SLCO4A1: variants seen among roughly 807,000 people sequenced by gnomAD.
SLCO4A1 encodes colon organic anion transporter.
SLCO4A1 carries 51 observed loss-of-function variants against 64.6 expected under a neutral mutation model. That is an observed-to-expected ratio of 0.79 (90% CI 0.63 to 1.00). The LOEUF (loss-of-function observed/expected upper bound fraction) is 1.00. SLCO4A1 is among the 50% of genes least tolerant of loss of function. The pLI, the probability that SLCO4A1 is intolerant of heterozygous loss-of-function variation, is 0.00. For synonymous variants in SLCO4A1, 471 were observed against 444.9 expected (o/e 1.06, Z -0.74); for missense variants, 919 against 980.5 (o/e 0.94, Z 0.84).
chr20:62,668,957 G>C lies in SLCO4A1; in HGVS notation c.1904G>C (p.Gly635Ala), dbSNP rs1460060654. 6.2e-7 allele frequency: 1 copy of C among 1,607,522 alleles called. No homozygotes were observed. Among genetic ancestry groups the C allele is most frequent in the Admixed American group, 1.7e-5 (1 of 60,004 alleles). The change falls in exon 11 of 12, where the codon GGC becomes GCC. Residue 635 changes from glycine (G) to alanine (A), a missense_variant. Physicochemically the swap from Gly to Ala is moderately conservative, Grantham distance 60 (BLOSUM62 0). Transcript: ENST00000217159. ...GGCATCCCGGGGCCCATCGCCTTCG[G>C]CTGGGTGATCGACAAGGCCTGTCTG... Reference protein sequence around the residue: ...LGGIPGPIAFGWVIDKACLLW... With the variant: ...LGGIPGPIAFAWVIDKACLLW...
chr20:62,656,054 C>G (rs900408618), intron 1 of SLCO4A1, among the ~76,000 whole-genome samples: 7 of 152,384 alleles, frequency 4.6e-5, no homozygotes, highest in African/African-American at 1.4e-4. Flanking sequence ...GCCCCCGTCA[C>G]AGCCCTGACG....
chr20:62,664,374 G>T (rs1357372156), intron 5 of SLCO4A1, among the ~76,000 whole-genome samples: 2 of 152,172 alleles, frequency 1.3e-5, no homozygotes, highest in African/African-American at 4.8e-5. Context: ...CTTCTCCCAG[G>T]GGCTGGCGGT....
downstream of SLCO4A1, among the ~76,000 whole-genome samples, chr20:62,675,306 C>T (rs1167320386): frequency 6.6e-6 from 1 of 152,132 alleles, no homozygotes; most frequent in East Asian, 1.9e-4. Context: ...GCCACCAAGC[C>T]CAGATTCCCT....
chr20:62,670,594 C>T (rs142410976), intron 11 of SLCO4A1, among the ~76,000 whole-genome samples: 121 of 152,324 alleles, frequency 7.9e-4, no homozygotes, highest in African/African-American at 1.7e-3. Flanking sequence ...TCAGTGTCTG[C>T]GGATGAGGGG....
In SLCO4A1 at chr20:62,656,348, T is replaced by G. The variant is rs114217304; in HGVS notation, c.-96-11T>G. The G allele has an allele frequency of 9.3e-6, 9 of 963,480 alleles. No homozygotes were observed. The East Asian group carries it at 1.9e-4, about 20-fold the overall frequency. 59.7% of individuals were successfully genotyped at this position (963,480 alleles called of 1,614,324 possible). The stretch of plus-strand genomic sequence containing the variant: ...AGACGTGAGCTTGCTAACCAGACAT[T>G]CTTCTCACAGGACACACCAGCCCCT... On this transcript the variant is annotated splice_polypyrimidine_tract_variant and intron_variant, in intron 1 of 11. Coordinates refer to ENST00000217159, the MANE Select transcript of SLCO4A1 (RefSeq NM_016354.4).
chr20:62,672,184 C>T lies in SLCO4A1; in HGVS notation c.*291C>T. On this transcript the variant is annotated 3_prime_UTR_variant, in exon 12 of 12. Transcript: ENST00000217159. ...GTGGTGTGCGTGAGGACAAACTCCG[C>T]AGGGGCTGTGAATCCCACTGGGAGG... 1 of 1,315,148 alleles carries T rather than the reference C, an allele frequency of 7.6e-7. No homozygotes were observed. The highest frequency in any genetic ancestry group is 9.8e-7 in the Non-Finnish European group (1 of 1,025,636). 81.5% of individuals were successfully genotyped at this position (1,315,148 alleles called of 1,614,324 possible).
intron 5 of SLCO4A1, among the ~76,000 whole-genome samples, chr20:62,662,600 C>G (rs190916181): frequency 9.8e-5 from 15 of 152,336 alleles, no homozygotes; most frequent in Admixed American, 4.6e-4. Context: ...AGAATTTCAG[C>G]CGAGCAATCA....
intron 1 of SLCO4A1, among the ~76,000 whole-genome samples, chr20:62,654,187 CGTCTCT>C (rs1361050459): frequency 3.3e-5 from 5 of 152,190 alleles, no homozygotes; most frequent in Admixed American, 6.5e-5. Context: ...GCGCCACGCC[CGTCTCT>C]GTCTCTGTCT....
chr20:62,681,269 G>T (rs150404259), intron 2 of SLCO4A1, among the ~76,000 whole-genome samples: 1 of 152,202 alleles, frequency 6.6e-6, no homozygotes, highest in Non-Finnish European at 1.5e-5. Flanking sequence ...TGCACACTTT[G>T]CCCAGTCTCC....
chr20:62,683,150 C>T (rs1341903309), intron 2 of SLCO4A1, among the ~76,000 whole-genome samples: 2 of 152,258 alleles, frequency 1.3e-5, no homozygotes, highest in East Asian at 3.8e-4. Context: ...CGCATGTGAT[C>T]ACCGTTTAAT....
In SLCO4A1 at chr20:62,644,204, C is replaced by T. The variant is rs1338099168; in HGVS notation, c.-97+1651C>T. Among the ~76,000 whole-genome samples the T allele has an allele frequency of 1.3e-5, 2 of 152,232 alleles. No homozygotes were observed. Among genetic ancestry groups the T allele is most frequent in the African/African-American group, 2.4e-5 (1 of 41,454 alleles). On this transcript the variant is annotated intron_variant, in intron 1 of 11. Transcript: ENST00000217159. This position sits in a 1 kb window ranked among gnomAD's most constrained non-coding sequence, Gnocchi z 5.4. ...CACAGCCCGACTTCCCTCTGTGCTG[C>T]TGGAGGGAGCCAGGGCAGAGGCCGG...
chr20:62,683,438 C>T (rs1005324064), intron 2 of SLCO4A1, among the ~76,000 whole-genome samples: 5 of 152,108 alleles, frequency 3.3e-5, no homozygotes, highest in African/African-American at 7.2e-5. Flanking sequence ...CTTGGCGGGA[C>T]GGAAGCTGCG....
intron 4 of SLCO4A1, among the ~76,000 whole-genome samples, chr20:62,660,759 C>A (rs1381239601): frequency 6.6e-6 from 1 of 152,210 alleles, no homozygotes; most frequent in Non-Finnish European, 1.5e-5. Flanking sequence ...TCTGCCCCAG[C>A]GGCTTCTCCC....
downstream of SLCO4A1, among the ~76,000 whole-genome samples, chr20:62,687,062 C>T (rs1380298427): frequency 2.7e-5 from 4 of 150,694 alleles, no homozygotes; most frequent in Admixed American, 6.6e-5. Context: ...GGAAAGGGCA[C>T]CCCCAAACAG....
At chr20:62,668,373 T>C in intron 9 of SLCO4A1, 104 bp from the exon 10 acceptor site, 2 of 1,272,680 alleles carry the variant, frequency 1.6e-6, no homozygotes, top group Non-Finnish European at 2.3e-6. Context: ...TGGGGGGGGG[T>C]GATGATGTGG....
intron 7 of SLCO4A1, 127 bp downstream of exon 7, chr20:62,666,702 G>T: frequency 1.2e-6 from 1 of 835,516 alleles, no homozygotes; most frequent in South Asian, 1.6e-5. Flanking sequence ...CAGGACAGCG[G>T]CAAGGGCAAC....
chr20:62,671,078 C>T (rs1987144506), intron 11 of SLCO4A1, among the ~76,000 whole-genome samples: 1 of 152,254 alleles, frequency 6.6e-6, no homozygotes, highest in Non-Finnish European at 1.5e-5. Context: ...AAAGTCGGTG[C>T]AGCCCCTCAT....
At chr20:62,683,949 C>T (rs542253276) in intron 2 of SLCO4A1, among the ~76,000 whole-genome samples, 9 of 106,754 alleles carry the variant, frequency 8.4e-5, no homozygotes, top group African/African-American at 1.9e-4. Flanking sequence ...CCCACACACG[C>T]TCACGCAACG....
chr20:62,675,368 C>T (rs1213481533), downstream of SLCO4A1, among the ~76,000 whole-genome samples: 1 of 152,100 alleles, frequency 6.6e-6, no homozygotes, highest in Non-Finnish European at 1.5e-5. Context: ...GCCGGCCACC[C>T]ACGCGGGCTC....
Sources: gnomAD v4.1 joint callset for allele counts (sites outside exome capture counted in the v4.1 genomes callset) on GRCh38, gnomAD v4.1.1 for gene constraint, Gnocchi (gnomAD v3.1) non-coding constraint, MANE v1.5 for transcripts, NCBI Gene and HGNC (gene_info 2026-07-23, HGNC 2026-07-21) for gene names.